Variants in RNF17 observed in about 807,000 individuals in gnomAD.
RNF17 encodes the protein ring finger protein 17.
Under a neutral mutation model 200.5 loss-of-function variants are expected in RNF17, and 31 were observed. That is an observed-to-expected ratio of 0.15 (90% confidence interval 0.12 to 0.21). The LOEUF (loss-of-function observed/expected upper bound fraction) is 0.21. Ranked by LOEUF, RNF17 falls within the 10% of genes least tolerant of loss-of-function variation. The pLI is 1.00. For synonymous variants in RNF17, 606 were observed against 637.8 expected (o/e 0.95, Z 0.75); for missense variants, 1,628 against 1,905.1 (o/e 0.85, Z 2.71).
In RNF17 at chr13:24,879,193, G is replaced by T. The variant is rs776700809; in HGVS notation, c.4780G>T (p.Ala1594Ser). The change falls in exon 35 of 36, where the codon GCA becomes TCA. Residue 1594 changes from alanine (A) to serine (S), a missense_variant. By Grantham distance (99) the Ala-to-Ser change is moderately conservative (BLOSUM62 1). Coordinates refer to ENST00000255324, the MANE Select transcript of RNF17 (RefSeq NM_031277.3). ...KQLYAVSMAP[A>S]PEQIVTLYDD... ...CTGTATCTTTTAATTTTAGGCTCCAGCACCAGAACAGATAGTGACATTATA... is the reference window on the plus strand; with the variant it reads ...CTGTATCTTTTAATTTTAGGCTCCATCACCAGAACAGATAGTGACATTATA... The T allele has an allele frequency of 9.3e-6, 15 of 1,611,754 alleles. No individual in the cohort carries two copies. The African/African-American group carries it at 2.0e-4, about 22-fold the overall frequency.
intron 1 of RNF17, among the ~76,000 whole-genome samples, chr13:24,764,883 TGTG>T (rs1401841590): frequency 1.2e-5 from 1 of 83,066 alleles, no homozygotes; most frequent in African/African-American, 4.7e-5. Context: ...TTGTGCACCT[TGTG>T]GGGTGTGTGT....
Position 24,777,942 on chromosome 13 carries a change from T to C in RNF17, c.318-353T>C, listed in dbSNP as rs182804746. Among the ~76,000 whole-genome samples the C allele has an allele frequency of 1.7e-3, 253 of 152,298 alleles. 1 individual carries two copies. Among genetic ancestry groups the C allele is most frequent in the African/African-American group, 5.7e-3 (235 of 41,560 alleles). On this transcript the variant is annotated intron_variant, in intron 3 of 35. Transcript: ENST00000255324. ...TAGAAGATTAAAACCATTACATTGATTGATGAGGTAATATTGGTATTTAAA... is the reference window on the plus strand; with the variant it reads ...TAGAAGATTAAAACCATTACATTGACTGATGAGGTAATATTGGTATTTAAA...
At chr13:24,764,582 C>T (rs1879303155) in intron 1 of RNF17, among the ~76,000 whole-genome samples, 1 of 152,170 alleles carries the variant, frequency 6.6e-6, no homozygotes, top group Admixed American at 6.5e-5. Flanking sequence ...ACCCTCCAGC[C>T]GGGAGGATGG....
At chr13:24,828,329 G>C (rs781414049) in intron 16 of RNF17, among the ~76,000 whole-genome samples, 2 of 152,010 alleles carry the variant, frequency 1.3e-5, no homozygotes, top group Non-Finnish European at 2.9e-5. Context: ...TATCTTCTGT[G>C]GTCCTGTTGA....
intron 2 of RNF17, among the ~76,000 whole-genome samples, chr13:24,768,148 GA>G (rs1880028608): frequency 6.6e-6 from 1 of 152,102 alleles, no homozygotes; most frequent in South Asian, 2.1e-4. Flanking sequence ...CATTAAGACT[GA>G]AATCTTTCCA....
At chr13:24,839,687 G>T (rs1277483123) in intron 18 of RNF17, among the ~76,000 whole-genome samples, 1 of 152,138 alleles carries the variant, frequency 6.6e-6, no homozygotes, top group Non-Finnish European at 1.5e-5. Context: ...ACAGGTAAGA[G>T]AATGAAACTG....
chr13:24,884,396 C>G (rs1165802579), downstream of RNF17: 2 of 1,614,088 alleles, frequency 1.2e-6, no homozygotes, highest in Non-Finnish European at 1.7e-6. Context: ...CCCATCTGCA[C>G]TCACTTCCTT....
intron 11 of RNF17, among the ~76,000 whole-genome samples, chr13:24,797,943 C>T (rs778922417): frequency 2.0e-5 from 3 of 152,020 alleles, no homozygotes; most frequent in Non-Finnish European, 4.4e-5. Context: ...AGTACAAAAG[C>T]GCTCTGTGAA....
At chr13:24,805,441 AATC>A (rs1156393434) in intron 15 of RNF17, among the ~76,000 whole-genome samples, 2 of 152,190 alleles carry the variant, frequency 1.3e-5, no homozygotes, top group Non-Finnish European at 2.9e-5. Context: ...TCTTAAGTGA[AATC>A]ATATACAATG....
At chr13:24,819,385 A>G (rs997321472) in intron 15 of RNF17, among the ~76,000 whole-genome samples, 5 of 152,180 alleles carry the variant, frequency 3.3e-5, no homozygotes, top group African/African-American at 1.2e-4. Context: ...GCTGAATAAT[A>G]CTTCTTTGTA....
chr13:24,815,504 G>C (rs1056186486), intron 15 of RNF17, among the ~76,000 whole-genome samples: 1 of 149,408 alleles, frequency 6.7e-6, no homozygotes, highest in Non-Finnish European at 1.5e-5. Context: ...TTACATAGAA[G>C]ATCATGTCAT....
downstream of RNF17, among the ~76,000 whole-genome samples, chr13:24,880,386 G>C (rs952594313): frequency 1.3e-5 from 2 of 152,158 alleles, no homozygotes; most frequent in African/African-American, 2.4e-5. Context: ...ATTACAATTC[G>C]AGATTTTGGG....
intron 6 of RNF17, among the ~76,000 whole-genome samples, chr13:24,785,795 T>C (rs911833750): frequency 6.6e-5 from 10 of 152,218 alleles, no homozygotes; most frequent in Non-Finnish European, 1.5e-4. Context: ...CATATATGCT[T>C]ATAATTGTTA....
chr13:24,823,081 T>TA, intron 15 of RNF17, among the ~76,000 whole-genome samples: 1 of 151,930 alleles, frequency 6.6e-6, no homozygotes, highest in East Asian at 1.9e-4. Flanking sequence ...GTTCTTTTTT[T>TA]AAAAGAAAAA....
chr13:24,808,921 G>T, intron 15 of RNF17, among the ~76,000 whole-genome samples: 1 of 142,326 alleles, frequency 7.0e-6, no homozygotes, highest in Non-Finnish European at 1.5e-5. Context: ...TTTTGTCTTT[G>T]GTTCTGTTTA....
intron 17 of RNF17, 42 bp downstream of exon 17, chr13:24,830,641 C>T (rs1188568424): frequency 6.3e-6 from 8 of 1,278,704 alleles, no homozygotes; most frequent in Admixed American, 1.9e-5. Context: ...AATATCAGCA[C>T]AAATATGGAA....
Position 24,802,412 on chromosome 13 carries a change from A to C in RNF17, c.1790A>C (p.Glu597Ala). Residue 597 changes from glutamate (E) to alanine (A), a missense_variant, in exon 14 of 36, where the codon GAA becomes GCA. Around this residue, in one of 5 missense-constraint regions of RNF17, gnomAD observed 289 missense variants for 384.9 expected, o/e 0.75. Transcript: ENST00000255324. ...GGCTGGGAAGAGGAAGCTAAAGTGG[A>C]ATTTTTGAAAATGGTAAATAACAAG... ...NEGWEEEAKV[E>A]FLKMVNNKAV... 1.2e-6 allele frequency: 2 copies of C among 1,613,234 alleles called. No homozygotes were observed. Among genetic ancestry groups the C allele is most frequent in the Non-Finnish European group, 1.7e-6 (2 of 1,179,724 alleles).
intron 9 of RNF17, among the ~76,000 whole-genome samples, chr13:24,790,255 A>C (rs1883679332): frequency 6.6e-6 from 1 of 152,182 alleles, no homozygotes; most frequent in South Asian, 2.1e-4. Context: ...GGAAGTATGC[A>C]TCTTATAGGC....
chr13:24,763,136 C>T (rs974896056), upstream of RNF17, among the ~76,000 whole-genome samples: 4 of 150,460 alleles, frequency 2.7e-5, no homozygotes, highest in Non-Finnish European at 5.9e-5. Context: ...TTCATACCAC[C>T]GTAGACCATA....
Sources: allele counts gnomAD v4.1 joint callset (sites outside exome capture counted in the v4.1 genomes callset), GRCh38; gene constraint gnomAD v4.1.1; regional missense constraint gnomAD v4.1.1; transcripts MANE v1.5; gene names NCBI Gene and HGNC (gene_info 2026-07-23, HGNC 2026-07-21).